Variants in PDGFD observed in about 807,000 individuals in gnomAD.
The protein encoded by PDGFD is platelet-derived growth factor D.
In PDGFD, 30 loss-of-function variants were observed where a neutral mutation model predicts 44.7. The observed-to-expected ratio is 0.67, with a 90% confidence interval of 0.50 to 0.91. PDGFD has a LOEUF of 0.91. Among genes scored for constraint, PDGFD ranks in the 40% least tolerant of loss-of-function variants. The probability of loss-of-function intolerance (pLI) is 0.00; values close to 1 mark genes in which losing one functional copy is unlikely to be tolerated. For synonymous variants in PDGFD, 173 were observed against 168.4 expected, an observed-to-expected ratio of 1.03 and a Z score of -0.21; for missense variants, 445 against 457.8, an observed-to-expected ratio of 0.97 and a Z score of 0.25.
intron 1 of PDGFD, among the ~76,000 whole-genome samples, chr11:104,088,689 A>C (rs1861169109): frequency 6.6e-6 from 1 of 152,178 alleles, no homozygotes; most frequent in Non-Finnish European, 1.5e-5. Context: ...GGAAGGACTC[A>C]CAAGGAACAG....
intron 1 of PDGFD, among the ~76,000 whole-genome samples, chr11:104,136,309 T>G (rs1277612930): frequency 6.6e-6 from 1 of 152,156 alleles, no homozygotes; most frequent in Non-Finnish European, 1.5e-5. Context: ...TAAAATCACA[T>G]TCACAGGCTT....
chr11:103,947,820 A>G, intron 3 of PDGFD, 96 bp from the exon 4 acceptor site: 1 of 917,696 alleles, frequency 1.1e-6, no homozygotes, highest in Non-Finnish European at 1.8e-6. Context: ...TCTTTTTCCA[A>G]CTAAGTGACA....
intron 1 of PDGFD, among the ~76,000 whole-genome samples, chr11:104,034,351 T>C (rs1860182546): frequency 1.3e-5 from 2 of 152,068 alleles, no homozygotes; most frequent in South Asian, 4.1e-4. Context: ...AGTCAACATT[T>C]CTAATATAAG....
chr11:104,007,319 G>T (rs1347138607), intron 1 of PDGFD, among the ~76,000 whole-genome samples: 1 of 152,042 alleles, frequency 6.6e-6, no homozygotes, highest in Non-Finnish European at 1.5e-5. Flanking sequence ...CCCTTATCCA[G>T]CTTTCCCCAT....
At chr11:104,097,335 T>C (rs1678739191) in intron 1 of PDGFD, among the ~76,000 whole-genome samples, 1 of 152,170 alleles carries the variant, frequency 6.6e-6, no homozygotes, top group Non-Finnish European at 1.5e-5. Context: ...CCAAGAAACA[T>C]GATTTGTCAC....
At chr11:104,089,323 C>A (rs1373238933) in intron 1 of PDGFD, among the ~76,000 whole-genome samples, 1 of 152,146 alleles carries the variant, frequency 6.6e-6, no homozygotes, top group African/African-American at 2.4e-5. Context: ...CTGAGGAGCA[C>A]ACAGAGCTTG....
intron 3 of PDGFD, among the ~76,000 whole-genome samples, chr11:103,990,981 T>C (rs1859442125): frequency 6.6e-6 from 1 of 151,764 alleles, no homozygotes; most frequent in Non-Finnish European, 1.5e-5. Flanking sequence ...CTACTAAAAA[T>C]ACAAAAAATT....
At chr11:104,066,747 C>T (rs747092800) in intron 1 of PDGFD, among the ~76,000 whole-genome samples, 1 of 152,060 alleles carries the variant, frequency 6.6e-6, no homozygotes, top group South Asian at 2.1e-4. Context: ...AAACTCTTGG[C>T]CCTATTGGCA....
chr11:104,008,525 T>C lies in PDGFD; in HGVS notation c.125-8270A>G, dbSNP rs531911613. ...GTGTCCCAGGCACATAATTATCCACTTAGCACACTAATTTGTGTTGAAAAC... is the reference window on the plus strand; with the variant it reads ...GTGTCCCAGGCACATAATTATCCACCTAGCACACTAATTTGTGTTGAAAAC... On this transcript the variant is annotated intron_variant, in intron 1 of 6. Transcript: ENST00000393158. Among the ~76,000 whole-genome samples the C allele has an allele frequency of 1.2e-4, 19 of 152,312 alleles. No individual in the cohort carries two copies. The East Asian group carries it at 3.7e-3, about 29-fold the overall frequency.
intron 1 of PDGFD, among the ~76,000 whole-genome samples, chr11:104,016,846 T>C (rs1329509673): frequency 6.6e-6 from 1 of 152,184 alleles, no homozygotes. Flanking sequence ...AATCTTTTTT[T>C]CCACAATTTG....
At chr11:104,099,998 G>T (rs1861348880) in intron 1 of PDGFD, among the ~76,000 whole-genome samples, 1 of 152,006 alleles carries the variant, frequency 6.6e-6, no homozygotes, top group African/African-American at 2.4e-5. Flanking sequence ...AACATAAAGA[G>T]AAGCCAGAAA....
chr11:104,036,861 C>G (rs370219748), intron 1 of PDGFD: 1 of 1,614,120 alleles, frequency 6.2e-7, no homozygotes, highest in African/African-American at 1.3e-5. Context: ...GGGACCTCTC[C>G]GAGGTCACCT....
intron 1 of PDGFD, among the ~76,000 whole-genome samples, chr11:104,092,965 T>C (rs1427669299): frequency 1.3e-5 from 2 of 152,170 alleles, no homozygotes; most frequent in Non-Finnish European, 2.9e-5. Flanking sequence ...CATTAAACAA[T>C]AGCTTAGAAA....
At chr11:103,913,420 G>T (rs1858063565) in intron 6 of PDGFD, among the ~76,000 whole-genome samples, 1 of 152,102 alleles carries the variant, frequency 6.6e-6, no homozygotes, top group Admixed American at 6.6e-5. Flanking sequence ...ATAACAAAAT[G>T]AAGGCAAAAA....
At chr11:104,158,803 G>A (rs575220488) in intron 1 of PDGFD, among the ~76,000 whole-genome samples, 71 of 152,032 alleles carry the variant, frequency 4.7e-4, no homozygotes, top group African/African-American at 1.6e-3. Flanking sequence ...CAGCACTTCA[G>A]CCTTCATTGA....
At chr11:104,037,938 G>A (rs1305973480) in intron 1 of PDGFD, 2 of 1,613,986 alleles carry the variant, frequency 1.2e-6, no homozygotes, top group Non-Finnish European at 1.7e-6. Context: ...GCTCTAGGAT[G>A]GTAAGTGGGC....
chr11:104,094,957 A>G (rs1861262261), intron 1 of PDGFD, among the ~76,000 whole-genome samples: 1 of 152,124 alleles, frequency 6.6e-6, no homozygotes, highest in Admixed American at 6.6e-5. Context: ...CCCTGCTTCC[A>G]GTTCACGACG....
chr11:103,993,789 C>T (rs542743190), intron 3 of PDGFD, among the ~76,000 whole-genome samples: 244 of 152,212 alleles, frequency 1.6e-3, no homozygotes, highest in Non-Finnish European at 2.9e-3. Context: ...ATTTGTTTGT[C>T]AAAATACTTT....
At chr11:104,027,915 G>C (rs1860067795) in intron 1 of PDGFD, among the ~76,000 whole-genome samples, 1 of 152,132 alleles carries the variant, frequency 6.6e-6, no homozygotes, top group Non-Finnish European at 1.5e-5. Flanking sequence ...CATAGGCCGG[G>C]CGCGGTGGCT....
Sources: gnomAD v4.1 joint callset for allele counts (sites outside exome capture counted in the v4.1 genomes callset) on GRCh38, gnomAD v4.1.1 for gene constraint, MANE v1.5 for transcripts, NCBI Gene and HGNC (gene_info 2026-07-23, HGNC 2026-07-21) for gene names.